The following STARD9 variants were observed in gnomAD, a reference collection of about 807,000 sequenced individuals.
STARD9 encodes StAR related lipid transfer domain containing 9.
STARD9 carries 346 observed loss-of-function variants against 399.8 expected under a neutral mutation model. That is an observed-to-expected ratio of 0.87 (90% confidence interval 0.79 to 0.95). The LOEUF (loss-of-function observed/expected upper bound fraction) is 0.95, where lower values mean the gene tolerates loss of function less well. Ranked by LOEUF, STARD9 falls within the 40% of genes least tolerant of loss-of-function variation. The pLI is 0.00. For synonymous variants in STARD9, 2,203 were observed against 2,143.5 expected (o/e 1.03, Z -0.77); for missense variants, 5,832 against 5,667.5 (o/e 1.03, Z -0.93).
At position 42,638,680 on chromosome 15, in the gene STARD9, CT is replaced by C; in HGVS notation, c.447-15del. On this transcript the variant is annotated intron_variant, in intron 6 of 32. Coordinates refer to ENST00000290607, the MANE Select transcript of STARD9 (RefSeq NM_020759.3). ...TTTTTTCAAAATATAATTATGTTGC[CT>C]TTTTCTACTTAACTCTAGTTTTCTA... is the stretch of plus-strand genomic sequence containing the variant. The C allele has an allele frequency of 6.8e-7, 1 of 1,474,322 alleles. No homozygotes were observed. Among genetic ancestry groups the C allele is most frequent in the South Asian group, 1.3e-5 (1 of 79,074 alleles). 91.3% of individuals were successfully genotyped at this position (1,474,322 alleles called of 1,614,324 possible).
Position 42,687,372 on chromosome 15 carries a change from A to G in STARD9, c.5794A>G (p.Asn1932Asp). The change falls in exon 23 of 33, where the codon AAT (asparagine) becomes GAT (aspartate). Residue 1932 changes from asparagine to aspartate, a missense_variant. Asn to Asp is a conservative substitution (Grantham distance 23). This residue lies in a region of STARD9 where 5,828 missense variants were observed against 5,651.1 expected (regional missense o/e 1.03). Transcript: ENST00000290607. ...DQNTVLRQTI[N>D]VSLEKDMPGE... ...GAATACGGTTCTGAGGCAGACCATC[A>G]ATGTAAGCCTTGAGAAAGACATGCC... 1 of 1,536,782 alleles carries G rather than the reference A, an allele frequency of 6.5e-7. No homozygotes were observed. Among genetic ancestry groups the G allele is most frequent in the Non-Finnish European group, 8.7e-7 (1 of 1,146,924 alleles).
chr15:42,637,135 T>A (rs1000114317), intron 4 of STARD9, among the ~76,000 whole-genome samples: 1 of 151,076 alleles, frequency 6.6e-6, no homozygotes, highest in African/African-American at 2.4e-5. Context: ...CTTAACCGAG[T>A]ACAAGTTAGC....
In STARD9 at chr15:42,686,382, T is replaced by C; in HGVS notation, c.4804T>C (p.Ser1602Pro). 6.5e-7 allele frequency: 1 copy of C among 1,537,614 alleles called. No homozygotes were observed. Among genetic ancestry groups the C allele is most frequent in the African/African-American group, 1.4e-5 (1 of 73,172 alleles). The change falls in exon 23 of 33, where the codon TCT becomes CCT. Residue 1602 changes from serine (S) to proline (P), a missense_variant. This residue lies in a region of STARD9 where 5,828 missense variants were observed against 5,651.1 expected (regional missense o/e 1.03). Transcript: ENST00000290607. ...CTTAGAATCATTGTCTGCTTCTCGA[T>C]CTACAAATGCACAGGTCTTTGCAAC... ...ADLESLSASR[S>P]TNAQVFATEN...
At chr15:42,678,422 T>C (rs1314615189) in intron 20 of STARD9, among the ~76,000 whole-genome samples, 1 of 152,160 alleles carries the variant, frequency 6.6e-6, no homozygotes, top group Non-Finnish European at 1.5e-5. Context: ...CAGTCTGCCT[T>C]CCTTTTCTCC....
chr15:42,719,263 G>T (rs746137128), intron 32 of STARD9, among the ~76,000 whole-genome samples: 1 of 152,106 alleles, frequency 6.6e-6, no homozygotes, highest in East Asian at 1.9e-4. Flanking sequence ...CACCTCTCCC[G>T]TCCCAGTCCC....
At chr15:42,646,163 A>G (rs1164625321) in intron 7 of STARD9, among the ~76,000 whole-genome samples, 2 of 151,966 alleles carry the variant, frequency 1.3e-5, no homozygotes, top group Non-Finnish European at 1.5e-5. Context: ...CTCCGTCTCA[A>G]CAACAACAAC....
intron 32 of STARD9, 55 bp from the exon 33 acceptor site, chr15:42,719,418 C>T (rs1335751369): frequency 2.5e-6 from 3 of 1,178,840 alleles, no homozygotes; most frequent in African/African-American, 3.0e-5. Flanking sequence ...CTGGAGTACG[C>T]CTGGCATTCT....
chr15:42,600,493 A>T (rs191354731), intron 3 of STARD9, among the ~76,000 whole-genome samples: 134 of 150,832 alleles, frequency 8.9e-4, no homozygotes, highest in African/African-American at 2.7e-3. Flanking sequence ...TGTGTGTGTG[A>T]GAGAGAGAGG....
At chr15:42,583,288 G>A in intron 1 of STARD9, 58 bp from the exon 2 acceptor site, 1 of 1,341,626 alleles carries the variant, frequency 7.5e-7, no homozygotes, top group African/African-American at 1.5e-5. Flanking sequence ...CTGGTTTTAG[G>A]CTCTTTTTTC....
In STARD9 at chr15:42,692,340, C is replaced by T. The variant is rs542757875; in HGVS notation, c.10762C>T (p.Pro3588Ser). 5 of 1,536,974 alleles carry T rather than the reference C, an allele frequency of 3.3e-6. No individual in the cohort carries two copies. In the African/African-American group the frequency reaches 4.1e-5, roughly 13 times the overall value. Reference sequence around the variant, plus strand: ...CCCCACTTCGGGTCATGACAGAAGGCCTCAGTTCAGGGGCCCTTCTGGTGA... The same window carrying T: ...CCCCACTTCGGGTCATGACAGAAGGTCTCAGTTCAGGGGCCCTTCTGGTGA... ...VAPTSGHDRR[P>S]QFRGPSGEAD... The change falls in exon 23 of 33, where the codon CCT becomes TCT. Residue 3588 changes from proline to serine, a missense_variant. Coordinates refer to ENST00000290607, the MANE Select transcript of STARD9 (RefSeq NM_020759.3).
At chr15:42,611,153 C>T (rs1005465450) in intron 3 of STARD9, among the ~76,000 whole-genome samples, 1 of 152,072 alleles carries the variant, frequency 6.6e-6, no homozygotes, top group African/African-American at 2.4e-5. Context: ...ATCTGTGGGC[C>T]AAATCTTGCC....
At chr15:42,592,889 C>T (rs896157103) in intron 3 of STARD9, among the ~76,000 whole-genome samples, 2 of 152,184 alleles carry the variant, frequency 1.3e-5, no homozygotes, top group Admixed American at 1.3e-4. Flanking sequence ...ATTTGCTTCT[C>T]TGAAATTAAA....
chr15:42,685,181 C>T lies in STARD9; in HGVS notation c.3603C>T (p.Ser1201=), dbSNP rs1353042258. Residue 1201 remains serine, a synonymous_variant, in exon 23 of 33, where the codon AGC becomes AGT. Coordinates refer to ENST00000290607, the MANE Select transcript of STARD9 (RefSeq NM_020759.3). ...ACCTACTTGCTCAAACTCATAGGAG[C>T]TTCTCCTTGGATAGCCTGATTGATG... ...DSDLLAQTHR[S]FSLDSLIDAE... is the part of the protein sequence containing the mutation. The T allele has an allele frequency of 6.5e-7, 1 of 1,537,212 alleles. No individual in the cohort carries two copies. Among genetic ancestry groups the T allele is most frequent in the Admixed American group, 2.0e-5 (1 of 50,998 alleles).
Position 42,686,703 on chromosome 15 carries a change from G to C in STARD9, c.5125G>C (p.Val1709Leu). 1 of 1,537,712 alleles carries C rather than the reference G, an allele frequency of 6.5e-7. No homozygotes were observed. Among genetic ancestry groups the C allele is most frequent in the Non-Finnish European group, 8.7e-7 (1 of 1,147,018 alleles). ...TDCQESSKEA[V>L]RRHINVSFAL... is the part of the protein sequence containing the mutation. ...TTGCCAGGAGAGCTCTAAGGAAGCA[G>C]TTAGAAGACACATAAATGTTTCCTT... The change falls in exon 23 of 33, where the codon GTT (valine) becomes CTT (leucine). Residue 1709 changes from valine to leucine, a missense_variant. Transcript: ENST00000290607.
chr15:42,625,647 A>ATTATT (rs1555393103), intron 3 of STARD9, among the ~76,000 whole-genome samples: 1 of 138,592 alleles, frequency 7.2e-6, no homozygotes, highest in Non-Finnish European at 1.5e-5. Flanking sequence ...TCTTCTTCCT[A>ATTATT]TTTTTTTTTT....
At chr15:42,712,081 T>TAATATATAATATATAATATATAA (rs57090140) in intron 26 of STARD9, among the ~76,000 whole-genome samples, 1 of 39,154 alleles carries the variant, frequency 2.6e-5, no homozygotes, top group Non-Finnish European at 3.6e-5. Flanking sequence ...TATATATATA[T>TAATATATAATATATAATATATAA]TATATATATA....
In STARD9 at chr15:42,665,292, A is replaced by C; in HGVS notation, c.1216A>C (p.Ile406Leu). ...LKLIRELREEIERLKALLLSF... is the reference protein window; with the variant it reads ...LKLIRELREELERLKALLLSF... The stretch of plus-strand genomic sequence containing the variant: ...ACTGATTAGAGAACTCAGAGAAGAG[A>C]TTGAAAGACTGAAAGCCCTGCTGCT... The change falls in exon 14 of 33, where the codon ATT becomes CTT. Residue 406 changes from isoleucine to leucine, a missense_variant. This residue lies in a region of STARD9 where 5,828 missense variants were observed against 5,651.1 expected (regional missense o/e 1.03). Transcript: ENST00000290607. 1 of 1,537,164 alleles carries C rather than the reference A, an allele frequency of 6.5e-7. No homozygotes were observed.
At chr15:42,716,307 C>T (rs1467715147) in intron 26 of STARD9, among the ~76,000 whole-genome samples, 2 of 152,274 alleles carry the variant, frequency 1.3e-5, no homozygotes, top group African/African-American at 2.4e-5. Flanking sequence ...GTTAAACCCC[C>T]TCTAGCCATG....
At chr15:42,664,823 C>CACACAT (rs71431859) in intron 13 of STARD9, among the ~76,000 whole-genome samples, 1 of 151,468 alleles carries the variant, frequency 6.6e-6, no homozygotes, top group African/African-American at 2.4e-5. Flanking sequence ...CACACACACA[C>CACACAT]ACCCCATACG....
Sources: gnomAD v4.1 joint callset for allele counts (sites outside exome capture counted in the v4.1 genomes callset) on GRCh38, gnomAD v4.1.1 for gene constraint, gnomAD v4.1.1 regional missense constraint, MANE v1.5 for transcripts, NCBI Gene and HGNC (gene_info 2026-07-23, HGNC 2026-07-21) for gene names.